Variants in COX7B2 observed in about 807,000 individuals in gnomAD.
COX7B2 encodes the protein cytochrome c oxidase subunit 7B2, mitochondrial.
For synonymous variants in COX7B2, 37 were observed against 32.1 expected (o/e 1.15, Z -0.51); for missense variants, 109 against 95.9 (o/e 1.14, Z -0.57).
intron 1 of COX7B2, among the ~76,000 whole-genome samples, chr4:46,897,617 G>A (rs887028224): frequency 1.3e-5 from 2 of 152,020 alleles, no homozygotes; most frequent in Non-Finnish European, 2.9e-5. Flanking sequence ...TAATCCCTAC[G>A]GCTGTCAACT....
intron 2 of COX7B2, among the ~76,000 whole-genome samples, chr4:46,789,828 T>C (rs1475767286): frequency 4.6e-5 from 7 of 152,166 alleles, no homozygotes; most frequent in Non-Finnish European, 1.5e-5. Flanking sequence ...CTTTTATAGA[T>C]TCAATTAAAG....
chr4:46,772,848 T>C (rs1716950640), intron 2 of COX7B2, among the ~76,000 whole-genome samples: 1 of 152,194 alleles, frequency 6.6e-6, no homozygotes, highest in Admixed American at 6.5e-5. Context: ...TAAAGCTACC[T>C]ATTTCCGTTA....
chr4:46,842,721 G>A (rs1334631754), intron 2 of COX7B2, among the ~76,000 whole-genome samples: 1 of 152,048 alleles, frequency 6.6e-6, no homozygotes, highest in Non-Finnish European at 1.5e-5. Context: ...TCCCTACAAA[G>A]GACACGAACT....
chr4:46,793,909 TC>T (rs1180810010), intron 2 of COX7B2, among the ~76,000 whole-genome samples: 2 of 152,236 alleles, frequency 1.3e-5, no homozygotes, highest in East Asian at 1.9e-4. Flanking sequence ...GAAATTGGTC[TC>T]CCCCCTTTGG....
chr4:46,775,293 G>A (rs1255227878), intron 2 of COX7B2, among the ~76,000 whole-genome samples: 1 of 152,056 alleles, frequency 6.6e-6, no homozygotes, highest in Non-Finnish European at 1.5e-5. Context: ...GTTTTCTGGA[G>A]CCAAATTTTA....
intron 2 of COX7B2, among the ~76,000 whole-genome samples, chr4:46,805,099 C>T (rs1042417045): frequency 2.0e-5 from 3 of 152,238 alleles, no homozygotes; most frequent in Admixed American, 6.5e-5. Flanking sequence ...CAGGACCCGC[C>T]AAGCCCACAC....
At chr4:46,745,103 A>G (rs144901331) in intron 2 of COX7B2, among the ~76,000 whole-genome samples, 40 of 152,286 alleles carry the variant, frequency 2.6e-4, no homozygotes, top group African/African-American at 8.4e-4. Flanking sequence ...GCAGTTGCCA[A>G]CCAGAACTCA....
At chr4:46,757,505 G>C (rs760777783) in intron 2 of COX7B2, among the ~76,000 whole-genome samples, 4 of 152,002 alleles carry the variant, frequency 2.6e-5, no homozygotes, top group Non-Finnish European at 5.9e-5. Context: ...TCTCTGCTCT[G>C]CTAACGCCCA....
intron 1 of COX7B2, among the ~76,000 whole-genome samples, chr4:46,853,379 A>G (rs1341419907): frequency 1.3e-5 from 2 of 152,180 alleles, no homozygotes; most frequent in Non-Finnish European, 2.9e-5. Flanking sequence ...CAACAGTCAG[A>G]AATCTGACTC....
intron 1 of COX7B2, among the ~76,000 whole-genome samples, chr4:46,854,179 A>C (rs925743916): frequency 2.0e-5 from 3 of 152,176 alleles, no homozygotes; most frequent in African/African-American, 7.2e-5. Flanking sequence ...ATCAACATAC[A>C]AGATATTAGG....
chr4:46,843,488 A>G (rs143617361), intron 2 of COX7B2, among the ~76,000 whole-genome samples: 14 of 152,128 alleles, frequency 9.2e-5, no homozygotes, highest in African/African-American at 2.9e-4. Context: ...ATTCAAACAC[A>G]GGTCTACTAA....
chr4:46,851,468 T>C (rs1716680892), intron 1 of COX7B2, among the ~76,000 whole-genome samples: 1 of 152,094 alleles, frequency 6.6e-6, no homozygotes, highest in Non-Finnish European at 1.5e-5. Flanking sequence ...CATTCTGTTA[T>C]ATCCTCCACT....
intron 2 of COX7B2, among the ~76,000 whole-genome samples, chr4:46,815,677 A>G (rs1719515445): frequency 6.6e-6 from 1 of 152,150 alleles, no homozygotes; most frequent in Non-Finnish European, 1.5e-5. Flanking sequence ...TATCACTCTT[A>G]TTTCTCGTCC....
At chr4:46,773,924 A>G (rs752644362) in intron 2 of COX7B2, among the ~76,000 whole-genome samples, 17 of 152,120 alleles carry the variant, frequency 1.1e-4, no homozygotes, top group Non-Finnish European at 2.4e-4. Flanking sequence ...GTACTTCCAC[A>G]ATAACTGGAA....
intron 2 of COX7B2, among the ~76,000 whole-genome samples, chr4:46,822,966 T>C (rs1391766432): frequency 6.6e-6 from 1 of 152,136 alleles, no homozygotes; most frequent in African/African-American, 2.4e-5. Context: ...ATATAAACAA[T>C]TACTCTAAAT....
chr4:46,817,760 G>A (rs761942407), intron 2 of COX7B2, among the ~76,000 whole-genome samples: 1 of 152,114 alleles, frequency 6.6e-6, no homozygotes, highest in Non-Finnish European at 1.5e-5. Flanking sequence ...GGATAAAACC[G>A]GGACAGCTGA....
At chr4:46,747,625 T>A (rs1715103900) in intron 2 of COX7B2, among the ~76,000 whole-genome samples, 1 of 152,174 alleles carries the variant, frequency 6.6e-6, no homozygotes, top group African/African-American at 2.4e-5. Flanking sequence ...ATAAGTGGAC[T>A]TTTCTTCACC....
intron 2 of COX7B2, among the ~76,000 whole-genome samples, chr4:46,836,326 C>A (rs563031305): frequency 1.4e-4 from 22 of 151,778 alleles, no homozygotes; most frequent in African/African-American, 5.1e-4. Context: ...TATCCTTATT[C>A]TATACGTTTT....
intron 2 of COX7B2, among the ~76,000 whole-genome samples, chr4:46,783,716 A>C (rs142122461): frequency 6.6e-6 from 1 of 152,328 alleles, no homozygotes; most frequent in East Asian, 1.9e-4. Context: ...TATGAACAAA[A>C]GTCAAACTAG....
Sources: allele counts gnomAD v4.1 joint callset (sites outside exome capture counted in the v4.1 genomes callset), GRCh38; gene constraint gnomAD v4.1.1; transcripts MANE v1.5; gene names NCBI Gene and HGNC (gene_info 2026-07-23, HGNC 2026-07-21).